DENND5B: variants seen among roughly 807,000 people sequenced by gnomAD.
The protein encoded by DENND5B is DENN domain-containing protein 5B.
In DENND5B, 34 loss-of-function variants were observed where a neutral mutation model predicts 140.6. That is an observed-to-expected ratio of 0.24 (90% CI 0.18 to 0.32). The LOEUF (loss-of-function observed/expected upper bound fraction) is 0.32. Ranked by LOEUF, DENND5B falls within the 10% of genes least tolerant of loss-of-function variation. The pLI, the probability that DENND5B is intolerant of heterozygous loss-of-function variation, is 1.00. For synonymous variants in DENND5B, 551 were observed against 562.1 expected, an observed-to-expected ratio of 0.98 and a Z score of 0.28; for missense variants, 1,142 against 1,560.2, an observed-to-expected ratio of 0.73 and a Z score of 4.52.
At position 31,389,503 on chromosome 12, in the gene DENND5B, G is replaced by T; in HGVS notation, c.3467-5C>A. 6.4e-7 allele frequency: 1 copy of T among 1,569,220 alleles called. No individual in the cohort carries two copies. Among genetic ancestry groups the T allele is most frequent in the Non-Finnish European group, 8.6e-7 (1 of 1,156,316 alleles). On this transcript the variant is annotated splice_region_variant and splice_polypyrimidine_tract_variant and intron_variant, in intron 19 of 20. Transcript: ENST00000389082. ...CAAAATAAGCAACCACTTTCTCTGA[G>T]GAAAAAAGTCAGAATTATGTCACAA...
intron 20 of DENND5B, 35 bp downstream of exon 20, chr12:31,389,289 A>G: frequency 6.3e-7 from 1 of 1,586,956 alleles, no homozygotes; most frequent in Non-Finnish European, 8.6e-7. Context: ...TCAACATGTG[A>G]CAAAGATAGG....
In DENND5B at chr12:31,399,423, C is replaced by T. The variant is rs1941678171; in HGVS notation, c.3068+231G>A. 2.6e-5 allele frequency among the ~76,000 whole-genome samples: 4 copies of T among 151,392 alleles called. No individual in the cohort carries two copies. The South Asian group carries it at 6.3e-4, about 24-fold the overall frequency. On this transcript the variant is annotated intron_variant, in intron 16 of 20. Coordinates refer to ENST00000389082, the MANE Select transcript of DENND5B (RefSeq NM_144973.4). ...CCTCCCAAGTAGCTGGGATTACAAG[C>T]GTACACCACCATGCCCTGCTAATTT...
At chr12:31,550,679 G>A (rs534881100) in intron 1 of DENND5B, among the ~76,000 whole-genome samples, 2 of 152,234 alleles carry the variant, frequency 1.3e-5, no homozygotes, top group South Asian at 2.1e-4. Context: ...ACAGTCCCAA[G>A]AACAGTGTAA....
chr12:31,447,213 G>GT (rs563944104), intron 6 of DENND5B, among the ~76,000 whole-genome samples: 1 of 152,164 alleles, frequency 6.6e-6, no homozygotes, highest in Non-Finnish European at 1.5e-5. Flanking sequence ...GGAGGTTGCA[G>GT]TGAGTCAAGA....
intron 3 of DENND5B, among the ~76,000 whole-genome samples, chr12:31,463,515 A>G (rs1945117047): frequency 6.6e-6 from 1 of 152,212 alleles, no homozygotes; most frequent in Non-Finnish European, 1.5e-5. Context: ...TGATGATGGG[A>G]TAAGAATATA....
intron 3 of DENND5B, among the ~76,000 whole-genome samples, chr12:31,475,908 A>T: frequency 6.6e-6 from 1 of 152,088 alleles, no homozygotes; most frequent in East Asian, 1.9e-4. Flanking sequence ...CAGATCACCT[A>T]GGGTCAGGAG....
chr12:31,410,075 G>GA (rs1341824832), intron 13 of DENND5B, among the ~76,000 whole-genome samples: 3 of 152,038 alleles, frequency 2.0e-5, no homozygotes, highest in East Asian at 3.9e-4. Flanking sequence ...AATAATTAAG[G>GA]AAAAAATGCA....
At chr12:31,387,820 T>C (rs778539173) in intron 20 of DENND5B, 34 bp from the exon 21 acceptor site, 1 of 1,596,212 alleles carries the variant, frequency 6.3e-7, no homozygotes, top group Non-Finnish European at 8.5e-7. Context: ...TCCTGAGCAT[T>C]GCTGGCCTCG....
chr12:31,530,676 CAAAG>C (rs1362610948), intron 1 of DENND5B, among the ~76,000 whole-genome samples: 2 of 151,982 alleles, frequency 1.3e-5, no homozygotes, highest in African/African-American at 4.8e-5. Flanking sequence ...TTATACTAAA[CAAAG>C]AAGGGAAATT....
At chr12:31,516,421 G>A (rs1387032972) in intron 1 of DENND5B, among the ~76,000 whole-genome samples, 1 of 149,094 alleles carries the variant, frequency 6.7e-6, no homozygotes, top group African/African-American at 2.5e-5. Context: ...AGGTTGCAGT[G>A]AGCTGTGATC....
At chr12:31,428,130 T>C (rs866439482) in intron 8 of DENND5B, among the ~76,000 whole-genome samples, 2 of 152,180 alleles carry the variant, frequency 1.3e-5, no homozygotes, top group South Asian at 2.1e-4. Context: ...TTAAAAATGT[T>C]TGAAGCAGAG....
At position 31,538,972 on chromosome 12, in the gene DENND5B, G is replaced by A. The variant is rs77157448; in HGVS notation, c.128-43053C>T. ...TGAAACAAAAGGTTTTTTTTTTTTT[G>A]AAAAAAAAAATTGACAAACTGCTAG... On this transcript the variant is annotated intron_variant, in intron 1 of 20. Coordinates refer to ENST00000389082, the MANE Select transcript of DENND5B (RefSeq NM_144973.4). Among the ~76,000 whole-genome samples, 216 of 131,018 alleles carry A rather than the reference G, an allele frequency of 1.6e-3. 1 individual carries two copies. The highest frequency in any genetic ancestry group is 6.1e-3 in the African/African-American group (211 of 34,502). The allele number at this position is 131,018 out of a possible 152,430, so 86.0% of individuals were successfully genotyped here. A position where few individuals can be genotyped will look rare whatever the true frequency, so the allele number is the denominator to read the frequency against.
chr12:31,545,971 A>AAAAAAAT (rs1948843461), intron 1 of DENND5B, among the ~76,000 whole-genome samples: 2 of 148,114 alleles, frequency 1.4e-5, no homozygotes, highest in Non-Finnish European at 1.5e-5. Context: ...AAAAAAAAAA[A>AAAAAAAT]GTGGGGGAAT....
At position 31,433,221 on chromosome 12, in the gene DENND5B, T is replaced by G. The variant is rs1212692319; in HGVS notation, c.2040A>C (p.Ala680=). 1 of 1,612,864 alleles carries G rather than the reference T, an allele frequency of 6.2e-7. No homozygotes were observed. The highest frequency in any genetic ancestry group is 8.5e-7 in the Non-Finnish European group (1 of 1,179,544). Residue 680 remains alanine, a synonymous_variant, in exon 8 of 21, where the codon GCA becomes GCC. Transcript: ENST00000389082. ...NNRWVSRSAT[A]QRRKERLRQH... is the part of the protein sequence containing the mutation. ...GGCGAAGGCGTTCTTTCCTGCGCTG[T>G]GCAGTGGCACTCCGACTTACCCAGC...
At chr12:31,424,791 A>G (rs1943163286) in intron 9 of DENND5B, 104 bp from the exon 10 acceptor site, 3 of 1,414,684 alleles carry the variant, frequency 2.1e-6, no homozygotes, top group South Asian at 1.4e-5. Context: ...TTATACTTCT[A>G]TTTGCAGATT....
At chr12:31,538,069 C>T (rs1948562827) in intron 1 of DENND5B, among the ~76,000 whole-genome samples, 1 of 152,156 alleles carries the variant, frequency 6.6e-6, no homozygotes, top group Admixed American at 6.5e-5. Flanking sequence ...GTAACTTCAA[C>T]ATCCCATTTT....
chr12:31,474,606 C>G (rs1216150044), intron 3 of DENND5B, among the ~76,000 whole-genome samples: 1 of 152,152 alleles, frequency 6.6e-6, no homozygotes, highest in East Asian at 1.9e-4. Context: ...TGAAATCCAC[C>G]TACTTTGATT....
intron 1 of DENND5B, among the ~76,000 whole-genome samples, chr12:31,497,462 T>C (rs1396919255): frequency 6.6e-6 from 1 of 151,970 alleles, no homozygotes; most frequent in East Asian, 2.0e-4. Context: ...CTAGAGTATG[T>C]AAGCATCAAA....
At chr12:31,435,153 A>G (rs1398234797) in intron 7 of DENND5B, among the ~76,000 whole-genome samples, 3 of 151,918 alleles carry the variant, frequency 2.0e-5, no homozygotes, top group African/African-American at 7.3e-5. Flanking sequence ...CCGTACCCAC[A>G]CAGACTAGTT....
Sources: allele counts gnomAD v4.1 joint callset (sites outside exome capture counted in the v4.1 genomes callset), GRCh38; gene constraint gnomAD v4.1.1; transcripts MANE v1.5; gene names NCBI Gene and HGNC (gene_info 2026-07-23, HGNC 2026-07-21).